Variants in ASGR2 observed in about 807,000 individuals in gnomAD.
ASGR2 encodes asialoglycoprotein receptor 2.
In ASGR2, 34 loss-of-function variants were observed where a neutral mutation model predicts 32.3. The observed-to-expected ratio is 1.05, with a 90% confidence interval of 0.80 to 1.40. ASGR2 has a LOEUF of 1.40. ASGR2 is among the 40% of genes most tolerant of loss of function. The probability of loss-of-function intolerance (pLI) is 0.00; values close to 1 mark genes in which losing one functional copy is unlikely to be tolerated. For missense variants in ASGR2, 385 were observed against 386.4 expected, an observed-to-expected ratio of 1.00 and a Z score of 0.03; for synonymous variants, 143 against 150.0, an observed-to-expected ratio of 0.95 and a Z score of 0.34.
chr17:7,102,015 G>A (rs1246968654), intron 8 of ASGR2, 75 bp downstream of exon 8: 1 of 1,441,350 alleles, frequency 6.9e-7, no homozygotes, highest in Non-Finnish European at 9.7e-7. Flanking sequence ...GACGAGTCAG[G>A]GTAGCTTGGA....
In ASGR2 at chr17:7,108,467, G is replaced by C; in HGVS notation, c.332C>G (p.Thr111Ser). Residue 111 changes from threonine (T) to serine (S), a missense_variant, in exon 4 of 9, where the codon ACC (threonine) becomes AGC (serine). By Grantham distance (58) the Thr-to-Ser change is moderately conservative. Coordinates refer to ENST00000691900, the MANE Select transcript of ASGR2 (RefSeq NM_001201352.2). This position sits in a 1 kb window ranked among gnomAD's most constrained non-coding sequence, Gnocchi z 4.9. ...CCAGCCGTCCAGCCCCTCACCGTGG[G>C]TGCTGATTGCCTGGACCTCCGTCAG... is the stretch of plus-strand genomic sequence containing the variant. The part of the protein sequence containing the change: ...STLTEVQAIS[T>S]HGGSVGDKIT... 2 of 1,602,046 alleles carry C rather than the reference G, an allele frequency of 1.2e-6. No homozygotes were observed. Among genetic ancestry groups the C allele is most frequent in the Non-Finnish European group, 1.7e-6 (2 of 1,174,352 alleles).
At position 7,107,971 on chromosome 17, in the gene ASGR2, C is replaced by A; in HGVS notation, c.338-64G>T. 3.1e-6 allele frequency: 5 copies of A among 1,592,522 alleles called. No homozygotes were observed. The highest frequency in any genetic ancestry group is 1.3e-5 in the African/African-American group (1 of 74,510). On this transcript the variant is annotated intron_variant, in intron 4 of 8. Coordinates refer to ENST00000691900, the MANE Select transcript of ASGR2 (RefSeq NM_001201352.2). The surrounding 1 kb of genome is among the most constrained non-coding windows in gnomAD (Gnocchi z 5.0). Reference sequence around the variant, plus strand: ...CCTCCGTCCTCATGCTGCTGGGGGACCGGGGGCCAGCGCCTCGTCCTGGGC... The same window carrying A: ...CCTCCGTCCTCATGCTGCTGGGGGAACGGGGGCCAGCGCCTCGTCCTGGGC...
rs981689728 is a variant in ASGR2 at position 7,108,305 on chromosome 17, G to A, written c.337+157C>T. On this transcript the variant is annotated intron_variant, in intron 4 of 8. Coordinates refer to ENST00000691900, the MANE Select transcript of ASGR2 (RefSeq NM_001201352.2). This position sits in a 1 kb window ranked among gnomAD's most constrained non-coding sequence, Gnocchi z 4.9. ...TCTCCACCTGGCACTAACCTCGTCC[G>A]TCCCCACCTGCCTCCCTCCTATACA... 5.9e-5 allele frequency among the ~76,000 whole-genome samples: 9 copies of A among 151,838 alleles called. No homozygotes were observed. Among genetic ancestry groups the A allele is most frequent in the African/African-American group, 1.7e-4 (7 of 41,314 alleles).
intron 2 of ASGR2, among the ~76,000 whole-genome samples, chr17:7,110,409 G>C (rs1680745472): frequency 6.6e-6 from 1 of 151,996 alleles, no homozygotes; most frequent in African/African-American, 2.4e-5. Flanking sequence ...CCTGACTGCT[G>C]TCTTCAGCAC....
chr17:7,109,466 C>A (rs928832419), intron 2 of ASGR2, among the ~76,000 whole-genome samples: 1 of 152,096 alleles, frequency 6.6e-6, no homozygotes, highest in Non-Finnish European at 1.5e-5. Flanking sequence ...TCCACCATAG[C>A]CCACTCTCCA....
upstream of ASGR2, chr17:7,114,927 C>T (rs1297386770): frequency 3.2e-5 from 31 of 981,894 alleles, no homozygotes; most frequent in Non-Finnish European, 3.5e-5. The surrounding 1 kb of genome is among the most constrained non-coding windows in gnomAD (Gnocchi z 4.5). Context: ...GGGCTGCGCT[C>T]AACTCCACAC....
At chr17:7,112,041 A>G (rs1449357195) in intron 2 of ASGR2, among the ~76,000 whole-genome samples, 1 of 5,172 alleles carries the variant, frequency 1.9e-4, no homozygotes, top group African/African-American at 7.4e-4. Context: ...GATGAGAGAG[A>G]GAGAGGGGAG....
At position 7,101,656 on chromosome 17, in the gene ASGR2, G is replaced by T. The variant is rs1283000027; in HGVS notation, c.840C>A (p.Gly280=). Residue 280 remains glycine (G), a synonymous_variant, in exon 9 of 9, where the codon GGC becomes GGA. Transcript: ENST00000691900. ...GCAGGCAGAAGTCATCGTTCCAGCG[G>T]CCATCCGGCTGGACTTCAACACAGT... ...SEDCVEVQPD[G]RWNDDFCLQV... 1 of 1,614,204 alleles carries T rather than the reference G, an allele frequency of 6.2e-7. No individual in the cohort carries two copies. The highest frequency in any genetic ancestry group is 1.1e-5 in the South Asian group (1 of 91,082).
Position 7,108,552 on chromosome 17 carries a change from G to T in ASGR2, c.247C>A (p.Gln83Lys), listed in dbSNP as rs767004934. Reference sequence around the variant, plus strand: ...AGGCTCCGCAGCTCGGCTTGCAGCTGTGCACCTTGTCAGGTGGTAGTGGGG... The same window carrying T: ...AGGCTCCGCAGCTCGGCTTGCAGCTTTGCACCTTGTCAGGTGGTAGTGGGG... ...VICVTGSQSA[Q>K]LQAELRSLKE... The change falls in exon 4 of 9, where the codon CAG (glutamine) becomes AAG (lysine). Residue 83 changes from glutamine to lysine, a missense_variant. Physicochemically the swap from Gln to Lys is moderately conservative, Grantham distance 53. Coordinates refer to ENST00000691900, the MANE Select transcript of ASGR2 (RefSeq NM_001201352.2). This position sits in a 1 kb window ranked among gnomAD's most constrained non-coding sequence, Gnocchi z 4.9. The T allele has an allele frequency of 5.6e-6, 9 of 1,607,608 alleles. No individual in the cohort carries two copies. The African/African-American group carries it at 1.2e-4, about 21-fold the overall frequency.
intron 2 of ASGR2, among the ~76,000 whole-genome samples, chr17:7,112,084 GGGGGAGGGGAA>G (rs1914758137): frequency 2.9e-5 from 3 of 104,150 alleles, no homozygotes; most frequent in Non-Finnish European, 4.1e-5. Flanking sequence ...GGGGAGGGGA[GGGGGAGGGGAA>G]GGGGAAAATT....
chr17:7,108,711 C>A lies in ASGR2; in HGVS notation c.241+61G>T, dbSNP rs1164555434. ...CTCCCATCGCCCCGATCGCTGCCCG[C>A]CACTGCCCATGTCTCTTTCCCTACC... On this transcript the variant is annotated intron_variant, in intron 3 of 8. Transcript: ENST00000691900. This position sits in a 1 kb window ranked among gnomAD's most constrained non-coding sequence, Gnocchi z 4.9. The A allele has an allele frequency of 2.5e-6, 4 of 1,613,010 alleles. No homozygotes were observed. The highest frequency in any genetic ancestry group is 3.4e-6 in the Non-Finnish European group (4 of 1,179,316).
At position 7,101,471 on chromosome 17, in the gene ASGR2, C is replaced by G. The variant is rs768850190; in HGVS notation, c.*104G>C. On this transcript the variant is annotated 3_prime_UTR_variant, in exon 9 of 9. Transcript: ENST00000691900. ...TCCTTTCTCTCTTTGCTCAGCTCTT[C>G]CCCATACCCCTGTCTCAGTGTTTCT... 2.9e-5 allele frequency: 43 copies of G among 1,464,902 alleles called. No homozygotes were observed. Among genetic ancestry groups the G allele is most frequent in the Non-Finnish European group, 3.8e-5 (41 of 1,093,014 alleles). 90.7% of individuals were successfully genotyped at this position (1,464,902 alleles called of 1,614,324 possible).
rs1468734684 is a variant in ASGR2 at position 7,108,840 on chromosome 17, C to T, written c.173G>A (p.Cys58Tyr). The change falls in exon 3 of 9, where the codon TGC becomes TAC. Residue 58 changes from cysteine to tyrosine, a missense_variant. By Grantham distance (194) the Cys-to-Tyr change is radical (BLOSUM62 -2). Coordinates refer to ENST00000691900, the MANE Select transcript of ASGR2 (RefSeq NM_001201352.2). This position sits in a 1 kb window ranked among gnomAD's most constrained non-coding sequence, Gnocchi z 4.9. ...GAAGCTCAGGGCAAGCAGACTGAAG[C>T]AGACCATGGAGCAGAGACGCTGTGC... ...PLAQRLCSMV[C>Y]FSLLALSFNI... 6.2e-7 allele frequency: 1 copy of T among 1,613,080 alleles called. No individual in the cohort carries two copies.
In ASGR2 at chr17:7,108,476, G is replaced by A. The variant is rs762561431; in HGVS notation, c.323C>T (p.Ala108Val). The A allele has an allele frequency of 6.2e-7, 1 of 1,605,164 alleles. No individual in the cohort carries two copies. Among genetic ancestry groups the A allele is most frequent in the African/African-American group, 1.3e-5 (1 of 74,854 alleles). The change falls in exon 4 of 9, where the codon GCA (alanine) becomes GTA (valine). Residue 108 changes from alanine (A) to valine (V), a missense_variant. Transcript: ENST00000691900. The surrounding 1 kb of genome is among the most constrained non-coding windows in gnomAD (Gnocchi z 4.9). The part of the protein sequence containing the change: ...FSSSTLTEVQ[A>V]ISTHGGSVGD... The stretch of plus-strand genomic sequence containing the variant: ...CAGCCCCTCACCGTGGGTGCTGATT[G>A]CCTGGACCTCCGTCAGGGTGCTCGA...
In ASGR2 at chr17:7,114,359, G is replaced by A. The variant is rs1039550427; in HGVS notation, c.-70-49C>T. 15 of 1,481,244 alleles carry A rather than the reference G, an allele frequency of 1.0e-5. 1 individual carries two copies. The highest frequency in any genetic ancestry group is 6.6e-5 in the Admixed American group (3 of 45,584). The allele number at this position is 1,481,244 out of a possible 1,614,324, so 91.8% of individuals were successfully genotyped here. A position where few individuals can be genotyped will look rare whatever the true frequency, so the allele number is the denominator to read the frequency against. The stretch of plus-strand genomic sequence containing the variant: ...GTGGAGGTTGATGGTGGGATGGAAC[G>A]CAGGGTCGGAGGGGTTCGGGGTGGT... On this transcript the variant is annotated intron_variant, in intron 1 of 8. Coordinates refer to ENST00000691900, the MANE Select transcript of ASGR2 (RefSeq NM_001201352.2). This position sits in a 1 kb window ranked among gnomAD's most constrained non-coding sequence, Gnocchi z 4.5.
rs1431629112 is a variant in ASGR2, at chr17:7,108,122, G to A, written c.338-215C>T. Among the ~76,000 whole-genome samples the A allele has an allele frequency of 8.5e-5, 13 of 152,072 alleles. No individual in the cohort carries two copies. Among genetic ancestry groups the A allele is most frequent in the Admixed American group, 8.5e-4 (13 of 15,266 alleles). ...CCCCATTTTCTCAAAATAAAGCCTC[G>A]CTCTGTCAGCACGGCTCACCTGCGT... is the stretch of plus-strand genomic sequence containing the variant. On this transcript the variant is annotated intron_variant, in intron 4 of 8. Coordinates refer to ENST00000691900, the MANE Select transcript of ASGR2 (RefSeq NM_001201352.2). This position sits in a 1 kb window ranked among gnomAD's most constrained non-coding sequence, Gnocchi z 4.9.
chr17:7,108,062 C>T lies in ASGR2; in HGVS notation c.338-155G>A, dbSNP rs1036436262. On this transcript the variant is annotated intron_variant, in intron 4 of 8. Coordinates refer to ENST00000691900, the MANE Select transcript of ASGR2 (RefSeq NM_001201352.2). The surrounding 1 kb of genome is among the most constrained non-coding windows in gnomAD (Gnocchi z 4.9). ...GGCTCCCTGCACTGCCACAGTGGCT[C>T]AGGCCACTCTCCTGCTTCAGTCCCT... Among the ~76,000 whole-genome samples, 1 of 152,168 alleles carries T rather than the reference C, an allele frequency of 6.6e-6. No individual in the cohort carries two copies. Among genetic ancestry groups the T allele is most frequent in the Non-Finnish European group, 1.5e-5 (1 of 68,018 alleles).
chr17:7,111,515 A>G lies in ASGR2; in HGVS notation c.124+2602T>C, dbSNP rs550725528. Among the ~76,000 whole-genome samples the G allele has an allele frequency of 3.6e-3, 549 of 152,024 alleles. 2 individuals are homozygous for G. Among genetic ancestry groups the G allele is most frequent in the Middle Eastern group, 0.014 (4 of 294 alleles). ...ACTAAAAATACAAAAAATTAGCCAGACGTGGTGGCAGGCGCCTGTAGTCCC... is the reference window on the plus strand; with the variant it reads ...ACTAAAAATACAAAAAATTAGCCAGGCGTGGTGGCAGGCGCCTGTAGTCCC... On this transcript the variant is annotated intron_variant, in intron 2 of 8. Transcript: ENST00000691900.
chr17:7,106,918 A>AG, intron 7 of ASGR2, 82 bp downstream of exon 7: 2 of 1,527,224 alleles, frequency 1.3e-6, no homozygotes, highest in Non-Finnish European at 1.8e-6. Flanking sequence ...AAAAAAAAAA[A>AG]ATGGATAAAA....
Sources: gnomAD v4.1 joint callset for allele counts (sites outside exome capture counted in the v4.1 genomes callset) on GRCh38, gnomAD v4.1.1 for gene constraint, Gnocchi (gnomAD v3.1) non-coding constraint, MANE v1.5 for transcripts, NCBI Gene and HGNC (gene_info 2026-07-23, HGNC 2026-07-21) for gene names.